Variants in GUCY2C observed in about 807,000 individuals in gnomAD.
The protein encoded by GUCY2C is guanylyl cyclase C.
A neutral mutation model predicts 131.1 loss-of-function variants in GUCY2C; 118 were observed. The observed-to-expected ratio is 0.90, with a 90% CI of 0.78 to 1.05. The LOEUF is 1.05. Ranked by LOEUF, GUCY2C falls within the 50% of genes least tolerant of loss-of-function variation. GUCY2C has a pLI of 0.00. For synonymous variants in GUCY2C, 452 were observed against 457.8 expected (o/e 0.99, Z 0.16); for missense variants, 1,161 against 1,304.4 (o/e 0.89, Z 1.69).
chr12:14,627,915 T>C (rs977698523), intron 20 of GUCY2C, among the ~76,000 whole-genome samples: 1 of 152,202 alleles, frequency 6.6e-6, no homozygotes, highest in Non-Finnish European at 1.5e-5. Context: ...TCATTAAGTA[T>C]CTGAGTCTTT....
rs775449520 is a variant in GUCY2C at position 14,679,702 on chromosome 12, C to T, written c.785G>A (p.Arg262Gln). 9.4e-6 allele frequency: 15 copies of T among 1,601,074 alleles called. No individual in the cohort carries two copies. Among genetic ancestry groups the T allele is most frequent in the East Asian group, 2.2e-5 (1 of 44,808 alleles). The part of the protein sequence containing the change: ...PEFLYKLKGD[R>Q]AVAEDIVIIL... ...AATGACAATGTCTTCAGCCACTGCT[C>T]GGTCACCCTTCAGCTTGTAGAGGAA... Residue 262 changes from arginine to glutamine, a missense_variant, in exon 6 of 27, where the codon CGA becomes CAA. Physicochemically the swap from Arg to Gln is conservative, Grantham distance 43. Coordinates refer to ENST00000261170, the MANE Select transcript of GUCY2C (RefSeq NM_004963.4).
At chr12:14,637,316 T>C (rs1213893101) in intron 19 of GUCY2C, among the ~76,000 whole-genome samples, 3 of 151,874 alleles carry the variant, frequency 2.0e-5, no homozygotes, top group Non-Finnish European at 2.9e-5. Context: ...TGATATCCCA[T>C]GCTCATGGAT....
At chr12:14,633,945 G>A (rs1947206920) in intron 19 of GUCY2C, among the ~76,000 whole-genome samples, 1 of 152,082 alleles carries the variant, frequency 6.6e-6, no homozygotes, top group African/African-American at 2.4e-5. Context: ...AAAATTTTTG[G>A]TGTCCCAAAA....
chr12:14,692,038 C>A (rs1230880888), intron 1 of GUCY2C, among the ~76,000 whole-genome samples: 1 of 152,176 alleles, frequency 6.6e-6, no homozygotes, highest in Admixed American at 6.5e-5. Flanking sequence ...GGATTTGAAC[C>A]TAGGGAAGTC....
chr12:14,621,285 A>G, intron 22 of GUCY2C, 69 bp from the exon 23 acceptor site: 1 of 1,332,494 alleles, frequency 7.5e-7, no homozygotes, highest in Non-Finnish European at 1.1e-6. Context: ...AGAAGCAGTT[A>G]ATCACATGTC....
At chr12:14,657,340 T>G (rs759637672) in intron 11 of GUCY2C, among the ~76,000 whole-genome samples, 20 of 152,208 alleles carry the variant, frequency 1.3e-4, no homozygotes, top group African/African-American at 3.9e-4. Context: ...ATAAGCCAGT[T>G]CCTCTTACCC....
chr12:14,614,746 G>A (rs565811794), intron 26 of GUCY2C, 121 bp downstream of exon 26: 1 of 635,354 alleles, frequency 1.6e-6, no homozygotes, highest in South Asian at 1.9e-5. Context: ...CTCATGTATA[G>A]TCCCTTACTT....
chr12:14,622,416 G>C (rs1946915906), intron 21 of GUCY2C, among the ~76,000 whole-genome samples: 2 of 152,156 alleles, frequency 1.3e-5, no homozygotes, highest in African/African-American at 4.8e-5. Flanking sequence ...ATGAATACAA[G>C]CAGGTTCAAC....
At chr12:14,623,564 T>G (rs1946939599) in intron 21 of GUCY2C, among the ~76,000 whole-genome samples, 1 of 152,236 alleles carries the variant, frequency 6.6e-6, no homozygotes, top group Admixed American at 6.5e-5. Context: ...CTGCCATATT[T>G]GCAATTCATT....
chr12:14,652,185 A>ATTTATTTAT (rs1465530170), intron 13 of GUCY2C, among the ~76,000 whole-genome samples, 155 bp from the exon 14 acceptor site: 1 of 151,446 alleles, frequency 6.6e-6, no homozygotes, highest in Non-Finnish European at 1.5e-5. Context: ...TTATTTATTT[A>ATTTATTTAT]TTTTTTAAAG....
At chr12:14,690,051 C>G (rs1948547534) in intron 1 of GUCY2C, among the ~76,000 whole-genome samples, 2 of 152,152 alleles carry the variant, frequency 1.3e-5, no homozygotes, top group South Asian at 4.1e-4. Flanking sequence ...ACCCCTTTGT[C>G]TTTAAAATAC....
chr12:14,691,509 G>A (rs1270977940), intron 1 of GUCY2C, among the ~76,000 whole-genome samples: 1 of 152,118 alleles, frequency 6.6e-6, no homozygotes, highest in Non-Finnish European at 1.5e-5. Context: ...AGAAAATAGG[G>A]TTAGAGAGGG....
rs867933355 is a variant in GUCY2C at position 14,683,089 on chromosome 12, G to T, written c.564C>A (p.Ser188Arg). ...TACCATTCTTGTAAACATACGAAGT[G>T]CTCCAGGAATAAGTTTTGAAGGGCA... ...NDLPFKTYSW[S>R]TSYVYKNGTE... The change falls in exon 4 of 27, where the codon AGC becomes AGA. Residue 188 changes from serine to arginine, a missense_variant. Coordinates refer to ENST00000261170, the MANE Select transcript of GUCY2C (RefSeq NM_004963.4). The T allele has an allele frequency of 1.2e-6, 2 of 1,613,506 alleles. No individual in the cohort carries two copies. The highest frequency in any genetic ancestry group is 2.7e-5 in the African/African-American group (2 of 74,892).
intron 22 of GUCY2C, 45 bp downstream of exon 22, chr12:14,621,960 G>C: frequency 1.5e-6 from 2 of 1,360,740 alleles, no homozygotes; most frequent in Middle Eastern, 1.8e-4. Flanking sequence ...TGATGACCTT[G>C]AGTTGTACAA....
intron 19 of GUCY2C, among the ~76,000 whole-genome samples, chr12:14,639,098 G>C (rs967244091): frequency 4.6e-5 from 7 of 152,136 alleles, no homozygotes; most frequent in Admixed American, 3.9e-4. Flanking sequence ...AGGAGATCGA[G>C]ACCAGCCTGG....
At chr12:14,667,492 T>A (rs1194653160) in intron 10 of GUCY2C, among the ~76,000 whole-genome samples, 1 of 152,200 alleles carries the variant, frequency 6.6e-6, no homozygotes, top group African/African-American at 2.4e-5. Flanking sequence ...TGCTAATACC[T>A]GTTGGATAAA....
Position 14,621,084 on chromosome 12 carries a change from G to A in GUCY2C, c.2734C>T (p.Leu912Phe), listed in dbSNP as rs1946886343. 1 of 1,613,898 alleles carries A rather than the reference G, an allele frequency of 6.2e-7. No individual in the cohort carries two copies. The highest frequency in any genetic ancestry group is 1.3e-5 in the African/African-American group (1 of 74,904). ...CGAATCCATATTGGGAGGCCAGGAA[G>A]ATGCTCCAGCTCAAAGGTCCCCATG... Reference protein sequence around the residue: ...SFMGTFELEHLPGLPIWIRIG... With the variant: ...SFMGTFELEHFPGLPIWIRIG... The change falls in exon 23 of 27, where the codon CTT (leucine) becomes TTT (phenylalanine). Residue 912 changes from leucine (L) to phenylalanine (F), a missense_variant. Coordinates refer to ENST00000261170, the MANE Select transcript of GUCY2C (RefSeq NM_004963.4).
At chr12:14,667,568 A>G (rs915560098) in intron 10 of GUCY2C, among the ~76,000 whole-genome samples, 3 of 152,264 alleles carry the variant, frequency 2.0e-5, no homozygotes, top group African/African-American at 4.8e-5. Flanking sequence ...ACGCAGGTAT[A>G]GCTCTGACAC....
intron 19 of GUCY2C, among the ~76,000 whole-genome samples, chr12:14,633,716 T>TA (rs1421237135): frequency 2.0e-5 from 3 of 150,830 alleles, no homozygotes; most frequent in Non-Finnish European, 3.0e-5. Flanking sequence ...ATAGATACCA[T>TA]AAAAAAGAAT....
Sources: gnomAD v4.1 joint callset for allele counts (sites outside exome capture counted in the v4.1 genomes callset) on GRCh38, gnomAD v4.1.1 for gene constraint, MANE v1.5 for transcripts, NCBI Gene and HGNC (gene_info 2026-07-23, HGNC 2026-07-21) for gene names.